The following FAM107B variants were observed in gnomAD, a reference collection of about 807,000 sequenced individuals.
FAM107B encodes the protein protein FAM107B.
In FAM107B, 21 loss-of-function variants were observed where a neutral mutation model predicts 31.5. That is an observed-to-expected ratio of 0.67 (90% CI 0.47 to 0.96). The LOEUF (loss-of-function observed/expected upper bound fraction) is 0.96, where lower values mean the gene tolerates loss of function less well. FAM107B is among the 40% of genes least tolerant of loss of function. FAM107B has a pLI of 0.00. For synonymous variants in FAM107B, 157 were observed against 141.5 expected (o/e 1.11, Z -0.78); for missense variants, 452 against 377.1 (o/e 1.20, Z -1.64).
intron 2 of FAM107B, among the ~76,000 whole-genome samples, chr10:14,593,552 G>C (rs931218108): frequency 3.9e-5 from 6 of 152,078 alleles, no homozygotes; most frequent in Admixed American, 3.9e-4. Flanking sequence ...AAATTAGCCA[G>C]GCACAGTGGC....
intron 2 of FAM107B, among the ~76,000 whole-genome samples, chr10:14,581,718 T>C (rs570344992): frequency 2.6e-5 from 4 of 152,174 alleles, no homozygotes; most frequent in South Asian, 2.1e-4. Context: ...CTGGGCACCA[T>C]AGCAAGACCC....
chr10:14,767,053 T>TATATATATATATATATATATAG (rs1833187253), intron 1 of FAM107B, among the ~76,000 whole-genome samples: 1 of 26,406 alleles, frequency 3.8e-5, no homozygotes, highest in East Asian at 2.8e-3. Context: ...TATATATATA[T>TATATATATATATATATATATAG]ATAGAGAGAG....
intron 1 of FAM107B, among the ~76,000 whole-genome samples, chr10:14,750,909 G>A (rs1832814460): frequency 6.6e-6 from 1 of 152,190 alleles, no homozygotes. Flanking sequence ...ATGGGCAGAT[G>A]CTGGACACCC....
chr10:14,617,117 G>A (rs556293389), intron 2 of FAM107B, among the ~76,000 whole-genome samples: 2 of 152,188 alleles, frequency 1.3e-5, no homozygotes, highest in East Asian at 3.9e-4. Context: ...TGAAGAAAAG[G>A]AAATAAAGAG....
chr10:14,600,596 T>C (rs1029432519), intron 2 of FAM107B, among the ~76,000 whole-genome samples: 5 of 152,154 alleles, frequency 3.3e-5, no homozygotes, highest in African/African-American at 1.2e-4. Context: ...TTAACTGTAA[T>C]TAAACAATTT....
At chr10:14,624,587 G>T (rs1853105481) in intron 2 of FAM107B, among the ~76,000 whole-genome samples, 1 of 151,910 alleles carries the variant, frequency 6.6e-6, no homozygotes, top group Non-Finnish European at 1.5e-5. Context: ...AATATACAGA[G>T]ATCCTGCCGG....
intron 2 of FAM107B, among the ~76,000 whole-genome samples, chr10:14,575,822 A>T (rs1402724077): frequency 1.3e-5 from 2 of 152,230 alleles, no homozygotes; most frequent in African/African-American, 4.8e-5. Flanking sequence ...GACCCTCAGT[A>T]TAAAAACACT....
intron 2 of FAM107B, among the ~76,000 whole-genome samples, chr10:14,660,232 A>G (rs535782255): frequency 6.6e-6 from 1 of 152,218 alleles, no homozygotes; most frequent in Non-Finnish European, 1.5e-5. Flanking sequence ...GGATTCCACA[A>G]GGTCTTCTGG....
intron 2 of FAM107B, among the ~76,000 whole-genome samples, chr10:14,567,858 C>T (rs991732826): frequency 6.6e-6 from 1 of 152,116 alleles, no homozygotes; most frequent in Non-Finnish European, 1.5e-5. Context: ...TTAGGGTAAC[C>T]TCCTCCTCCT....
chr10:14,712,204 A>G (rs1855664639), intron 1 of FAM107B, among the ~76,000 whole-genome samples: 1 of 152,182 alleles, frequency 6.6e-6, no homozygotes, highest in South Asian at 2.1e-4. Flanking sequence ...ATTATTACCC[A>G]TTGCGTGCCT....
In FAM107B at chr10:14,547,914, G is replaced by T. The variant is rs73599398; in HGVS notation, c.470-17399C>A. 7.0e-3 allele frequency among the ~76,000 whole-genome samples: 1,068 copies of T among 152,340 alleles called. 14 individuals carry two copies. Among genetic ancestry groups the T allele is most frequent in the African/African-American group, 0.025 (1,027 of 41,578 alleles). On this transcript the variant is annotated intron_variant, in intron 2 of 4. Coordinates refer to ENST00000181796, the MANE Select transcript of FAM107B (RefSeq NM_031453.4). Reference sequence around the variant, plus strand: ...GGACACATCTCTGTCTGGGTCTTTGGAGGATTGTCTGTCTCTAACCAAACC... The same window carrying T: ...GGACACATCTCTGTCTGGGTCTTTGTAGGATTGTCTGTCTCTAACCAAACC...
intron 2 of FAM107B, among the ~76,000 whole-genome samples, chr10:14,605,457 G>A (rs546200591): frequency 6.6e-6 from 1 of 152,278 alleles, no homozygotes; most frequent in South Asian, 2.1e-4. Context: ...AGATGACTAA[G>A]GGCTTATTTA....
intron 2 of FAM107B, among the ~76,000 whole-genome samples, chr10:14,661,327 C>T (rs1178255388): frequency 6.6e-6 from 1 of 152,292 alleles, no homozygotes; most frequent in Admixed American, 6.5e-5. Context: ...CTGGATGTGT[C>T]CAAGACAGTG....
intron 1 of FAM107B, among the ~76,000 whole-genome samples, chr10:14,744,852 G>T (rs1303607911): frequency 6.6e-6 from 1 of 152,114 alleles, no homozygotes; most frequent in Non-Finnish European, 1.5e-5. Context: ...GCTCCTCTTT[G>T]TACCTCTGGT....
At chr10:14,707,097 G>C (rs1855537880) in intron 1 of FAM107B, among the ~76,000 whole-genome samples, 1 of 151,964 alleles carries the variant, frequency 6.6e-6, no homozygotes, top group Non-Finnish European at 1.5e-5. Flanking sequence ...CTGTACTCCA[G>C]CCTGGGCGAC....
chr10:14,658,124 G>A (rs939187898), intron 2 of FAM107B, among the ~76,000 whole-genome samples: 2 of 152,114 alleles, frequency 1.3e-5, no homozygotes, highest in African/African-American at 4.8e-5. Context: ...TCATTTCTTG[G>A]GAAGAATTTA....
rs150301963 is a variant in FAM107B at position 14,663,269 on chromosome 10, A to G, written c.469+4365T>C. On this transcript the variant is annotated intron_variant, in intron 2 of 4. Coordinates refer to ENST00000181796, the MANE Select transcript of FAM107B (RefSeq NM_031453.4). ...CCTCACCTTGTGATCATGTGAGTCT[A>G]TACTCCTCAATAAATTCCCCTTCAT... The G allele has an allele frequency of 1.8e-3, 272 of 152,342 alleles. 1 individual carries two copies. The highest frequency in any genetic ancestry group is 6.1e-3 in the African/African-American group (255 of 41,576). 9.4% of individuals were successfully genotyped at this position (152,342 alleles called of 1,614,324 possible). A position where few individuals can be genotyped will look rare whatever the true frequency, so the allele number is the denominator to read the frequency against.
At chr10:14,747,453 T>C (rs1347218030) in intron 1 of FAM107B, among the ~76,000 whole-genome samples, 1 of 152,262 alleles carries the variant, frequency 6.6e-6, no homozygotes, top group East Asian at 1.9e-4. Flanking sequence ...GTGTGGCTGC[T>C]GGCTTTTGGA....
intron 1 of FAM107B, among the ~76,000 whole-genome samples, chr10:14,678,850 T>C (rs1331491742): frequency 6.6e-6 from 1 of 152,224 alleles, no homozygotes; most frequent in Non-Finnish European, 1.5e-5. Context: ...CCAGGCCTCA[T>C]CACACGGAAC....
Sources: gnomAD v4.1 joint callset for allele counts (sites outside exome capture counted in the v4.1 genomes callset) on GRCh38, gnomAD v4.1.1 for gene constraint, MANE v1.5 for transcripts, NCBI Gene and HGNC (gene_info 2026-07-23, HGNC 2026-07-21) for gene names.